SLC4A1: variants seen among roughly 807,000 people sequenced by gnomAD.
SLC4A1 encodes the protein band 3 anion transport protein.
A neutral mutation model predicts 93.1 loss-of-function variants in SLC4A1; 29 were observed. The observed-to-expected ratio is 0.31, with a 90% CI of 0.23 to 0.42. SLC4A1 has a LOEUF of 0.42. Among genes scored for constraint, SLC4A1 ranks in the 20% least tolerant of loss-of-function variants. SLC4A1 has a pLI of 1.00. For missense variants in SLC4A1, 965 were observed against 1,190.1 expected (o/e 0.81, Z 2.78); for synonymous variants, 469 against 497.2 (o/e 0.94, Z 0.76).
chr17:44,254,408 T>A (rs1567829996), intron 16 of SLC4A1, 88 bp downstream of exon 16: 18 of 1,305,234 alleles, frequency 1.4e-5, no homozygotes, highest in South Asian at 8.7e-5. Context: ...TAGCTTGCAG[T>A]CCTGGGTCTC....
At chr17:44,252,327 G>A (rs1280902733) in intron 17 of SLC4A1, among the ~76,000 whole-genome samples, 3 of 151,994 alleles carry the variant, frequency 2.0e-5, no homozygotes, top group East Asian at 1.9e-4. Context: ...CACAACCCCC[G>A]GCCTCTATCG....
intron 19 of SLC4A1, 100 bp downstream of exon 19, chr17:44,251,059 C>G: frequency 2.2e-6 from 3 of 1,339,356 alleles, no homozygotes; most frequent in Non-Finnish European, 2.1e-6. Flanking sequence ...CAGCCCTAGC[C>G]CCAGACTTTA....
intron 4 of SLC4A1, 119 bp from the exon 5 acceptor site, chr17:44,260,934 G>T: frequency 8.8e-7 from 1 of 1,138,020 alleles, no homozygotes; most frequent in Non-Finnish European, 1.3e-6. Context: ...TCAAGGGTCC[G>T]TAGATACGGC....
chr17:44,261,554 G>A (rs1050861503), intron 4 of SLC4A1, 21 bp downstream of exon 4: 20 of 1,614,012 alleles, frequency 1.2e-5, no homozygotes, highest in African/African-American at 2.7e-5. Flanking sequence ...GGGAAAGAAC[G>A]GAGGAGGCTG....
intron 4 of SLC4A1, 80 bp from the exon 5 acceptor site, chr17:44,260,895 T>C: frequency 6.6e-7 from 1 of 1,515,940 alleles, no homozygotes; most frequent in Non-Finnish European, 9.0e-7. Context: ...CGAGAGAGGC[T>C]TGTGCTTGTG....
At position 44,258,212 on chromosome 17, in the gene SLC4A1, G is replaced by T; in HGVS notation, c.1088-32C>A. The T allele has an allele frequency of 3.1e-6, 5 of 1,602,840 alleles. No homozygotes were observed. Among genetic ancestry groups the T allele is most frequent in the Non-Finnish European group, 4.3e-6 (5 of 1,170,280 alleles). ...TGGAGGATAAGAGCATGGTCAGAGG[G>T]AGTAGCTGGAGGAGGTGAGGGGAAA... On this transcript the variant is annotated intron_variant, in intron 10 of 19. Transcript: ENST00000262418. This position sits in a 1 kb window ranked among gnomAD's most constrained non-coding sequence, Gnocchi z 6.1.
At chr17:44,253,776 A>G (rs2047364100) in intron 16 of SLC4A1, among the ~76,000 whole-genome samples, 1 of 150,634 alleles carries the variant, frequency 6.6e-6, no homozygotes, top group Non-Finnish European at 1.5e-5. Context: ...GGTTCAAGTG[A>G]TTTTCCTGCT....
chr17:44,265,156 C>T (rs1273861508), intron 1 of SLC4A1, among the ~76,000 whole-genome samples: 2 of 151,270 alleles, frequency 1.3e-5, no homozygotes, highest in Non-Finnish European at 1.5e-5. Context: ...TGAACAAGGC[C>T]CGTCTCTACT....
intron 17 of SLC4A1, among the ~76,000 whole-genome samples, chr17:44,251,944 G>A: frequency 6.8e-6 from 1 of 146,868 alleles, no homozygotes; most frequent in Non-Finnish European, 1.5e-5. Context: ...GTCTCACTAT[G>A]TTGCCCAGGC....
rs1426736505 is a variant in SLC4A1, at chr17:44,249,111, C to T, written c.*1347G>A. On this transcript the variant is annotated 3_prime_UTR_variant, in exon 20 of 20. Transcript: ENST00000262418. ...TCCTGACCTCAAATGATCCGCCCAA[C>T]TTGGCCTCCCAAAGTGCTGGGATTA... is the stretch of plus-strand genomic sequence containing the variant. The T allele has an allele frequency of 6.7e-6, 3 of 445,742 alleles. No homozygotes were observed. The highest frequency in any genetic ancestry group is 1.5e-4 in the East Asian group (2 of 13,746). 27.6% of individuals were successfully genotyped at this position (445,742 alleles called of 1,614,324 possible).
rs770137241 is a variant in SLC4A1 at position 44,260,769 on chromosome 17, T to G, written c.215A>C (p.Glu72Ala). The change falls in exon 5 of 20, where the codon GAG (glutamate) becomes GCG (alanine). Residue 72 changes from glutamate to alanine, a missense_variant. By Grantham distance (107) the Glu-to-Ala change is moderately radical (BLOSUM62 -1). This residue lies in a region of SLC4A1 where 195 missense variants were observed against 183.5 expected (regional missense o/e 1.06). Transcript: ENST00000262418. ...QELVMDEKNQ[E>A]LRWMEAARWV... Reference sequence around the variant, plus strand: ...GCGCGCCGCCTCCATCCATCTCAGCTCCTGGTTCTTTTCGTCCATCACCAG... The same window carrying G: ...GCGCGCCGCCTCCATCCATCTCAGCGCCTGGTTCTTTTCGTCCATCACCAG... The G allele has an allele frequency of 1.2e-6, 2 of 1,613,884 alleles. No individual in the cohort carries two copies. Among genetic ancestry groups the G allele is most frequent in the Admixed American group, 3.3e-5 (2 of 60,028 alleles).
At position 44,249,602 on chromosome 17, in the gene SLC4A1, A is replaced by G; in HGVS notation, c.*856T>C. The G allele has an allele frequency of 5.8e-6, 1 of 173,756 alleles. No homozygotes were observed. The highest frequency in any genetic ancestry group is 1.2e-5 in the Non-Finnish European group (1 of 82,130). 10.8% of individuals were successfully genotyped at this position (173,756 alleles called of 1,614,324 possible). ...CGGGGCCCTCAGTAAATGTTTGTGG[A>G]ATGAATGAATGAGTGAACTAATGAG... On this transcript the variant is annotated 3_prime_UTR_variant, in exon 20 of 20. Coordinates refer to ENST00000262418, the MANE Select transcript of SLC4A1 (RefSeq NM_000342.4).
chr17:44,266,888 G>A (rs1443153780), intron 1 of SLC4A1, among the ~76,000 whole-genome samples: 1 of 152,296 alleles, frequency 6.6e-6, no homozygotes, highest in East Asian at 1.9e-4. Flanking sequence ...TTGACCAGAT[G>A]ACAGGGACAA....
Position 44,262,852 on chromosome 17 carries a change from C to T in SLC4A1, c.15G>A (p.Gln5=). MEEL[Q]DDYEDMMEEN... is the part of the protein sequence containing the mutation. ...ACTGCTGATGCCAGGGAACACCCAC[C>T]TGCAGCTCCTCCATGGCGTGGTCCT... is the stretch of plus-strand genomic sequence containing the variant. The change falls in exon 2 of 20, where the codon CAG becomes CAA. Residue 5 remains glutamine, a splice_region_variant and synonymous_variant. Coordinates refer to ENST00000262418, the MANE Select transcript of SLC4A1 (RefSeq NM_000342.4). 1 of 1,614,182 alleles carries T rather than the reference C, an allele frequency of 6.2e-7. No individual in the cohort carries two copies.
At position 44,263,719 on chromosome 17, in the gene SLC4A1, TTC is replaced by T. The variant is rs1285129212; in HGVS notation, c.-68-787_-68-786del. Among the ~76,000 whole-genome samples the T allele has an allele frequency of 2.7e-3, 383 of 143,756 alleles. 4 individuals are homozygous for T. Among genetic ancestry groups the T allele is most frequent in the African/African-American group, 0.01 (368 of 35,662 alleles). 94.3% of individuals were successfully genotyped at this position (143,756 alleles called of 152,430 possible). A position where few individuals can be genotyped will look rare whatever the true frequency, so the allele number is the denominator to read the frequency against. On this transcript the variant is annotated intron_variant, in intron 1 of 19. Coordinates refer to ENST00000262418, the MANE Select transcript of SLC4A1 (RefSeq NM_000342.4). ...TTCCCTCCCTTCCCTCCTTCCTTCC[TTC>T]CTTCCTTCCTTCCTTCCTCCATCCC...
intron 3 of SLC4A1, among the ~76,000 whole-genome samples, chr17:44,262,401 C>T (rs931139969): frequency 3.9e-5 from 6 of 152,256 alleles, no homozygotes; most frequent in African/African-American, 7.2e-5. Flanking sequence ...ACTGGCTGCC[C>T]GCCCTTCTCA....
intron 9 of SLC4A1, 87 bp downstream of exon 9, chr17:44,259,076 G>A (rs1272120579): frequency 1.4e-6 from 2 of 1,403,826 alleles, no homozygotes; most frequent in Non-Finnish European, 2.0e-6. Flanking sequence ...TGAACCTAAA[G>A]TAACCCAGGC....
intron 19 of SLC4A1, 107 bp downstream of exon 19, chr17:44,251,052 C>A: frequency 8.0e-7 from 1 of 1,257,714 alleles, no homozygotes; most frequent in Non-Finnish European, 1.1e-6. Context: ...TGGACACCAG[C>A]CCTAGCCCCA....
intron 8 of SLC4A1, 62 bp downstream of exon 8, chr17:44,259,435 A>G (rs2047421634): frequency 1.2e-6 from 2 of 1,602,550 alleles, no homozygotes; most frequent in African/African-American, 2.7e-5. Flanking sequence ...GCTGAGGGAA[A>G]GACAGGCTGA....
Sources: allele counts gnomAD v4.1 joint callset (sites outside exome capture counted in the v4.1 genomes callset), GRCh38; gene constraint gnomAD v4.1.1; regional missense constraint gnomAD v4.1.1; non-coding constraint Gnocchi (gnomAD v3.1); transcripts MANE v1.5; gene names NCBI Gene and HGNC (gene_info 2026-07-23, HGNC 2026-07-21).